NEBL: variants seen among roughly 807,000 people sequenced by gnomAD.
NEBL encodes the protein nebulette, also known as LIM and SH3 protein 2.
NEBL carries 122 observed loss-of-function variants against 140.2 expected under a neutral mutation model. That is an observed-to-expected ratio of 0.87 (90% confidence interval 0.75 to 1.01). The LOEUF is 1.01. Among genes scored for constraint, NEBL ranks in the 50% least tolerant of loss-of-function variants. The pLI, the probability that NEBL is intolerant of heterozygous loss-of-function variation, is 0.00. For synonymous variants in NEBL, 436 were observed against 398.9 expected, an observed-to-expected ratio of 1.09 and a Z score of -1.11; for missense variants, 1,365 against 1,231.3, an observed-to-expected ratio of 1.11 and a Z score of -1.62.
At chr10:21,262,046 A>G (rs1564551694) in intron 1 of NEBL, among the ~76,000 whole-genome samples, 1 of 152,096 alleles carries the variant, frequency 6.6e-6, no homozygotes, top group Non-Finnish European at 1.5e-5. Context: ...GCTGCCCCCA[A>G]CCGAAAGCCG....
intron 10 of NEBL, among the ~76,000 whole-genome samples, chr10:20,851,563 C>G (rs1283307179): frequency 1.3e-5 from 2 of 149,538 alleles, no homozygotes; most frequent in Admixed American, 1.3e-4. Flanking sequence ...ATCACAAGAT[C>G]AGGAGTTTGA....
chr10:21,178,266 T>C (rs929665811), upstream of NEBL, among the ~76,000 whole-genome samples: 1 of 152,226 alleles, frequency 6.6e-6, no homozygotes, highest in South Asian at 2.1e-4. Flanking sequence ...CCTTCATCCA[T>C]TCAACATATA....
At chr10:21,129,071 T>C (rs537896697) in intron 2 of NEBL, among the ~76,000 whole-genome samples, 1 of 152,180 alleles carries the variant, frequency 6.6e-6, no homozygotes, top group Admixed American at 6.5e-5. Context: ...CCTTCAGAAG[T>C]GAGGGAGAAA....
intron 3 of NEBL, among the ~76,000 whole-genome samples, chr10:20,968,557 A>T (rs906307014): frequency 3.3e-5 from 5 of 152,148 alleles, no homozygotes; most frequent in African/African-American, 4.8e-5. Context: ...GAGGAATCAT[A>T]GAAGTTCAAG....
chr10:21,192,981 C>T (rs1300564856), intron 3 of NEBL, among the ~76,000 whole-genome samples: 1 of 152,106 alleles, frequency 6.6e-6, no homozygotes, highest in East Asian at 1.9e-4. Context: ...CACTTTATTC[C>T]AGAGGTGGAA....
intron 11 of NEBL, among the ~76,000 whole-genome samples, chr10:20,847,580 C>T (rs1394217604): frequency 4.6e-5 from 7 of 151,922 alleles, no homozygotes; most frequent in African/African-American, 1.7e-4. Flanking sequence ...TAAAAGGTTG[C>T]TCAGCATGAA....
chr10:20,815,179 T>C (rs75631381), intron 22 of NEBL, among the ~76,000 whole-genome samples: 38 of 152,340 alleles, frequency 2.5e-4, no homozygotes, highest in Admixed American at 9.8e-4. Context: ...GAATTCTACG[T>C]TAACTGTATT....
intron 4 of NEBL, among the ~76,000 whole-genome samples, chr10:20,937,506 G>C (rs1334348481): frequency 1.3e-5 from 2 of 152,130 alleles, no homozygotes; most frequent in African/African-American, 4.8e-5. Flanking sequence ...ACAGCTCCCA[G>C]TGTGAGTGAC....
At chr10:21,016,660 T>C (rs1838568246) in intron 3 of NEBL, among the ~76,000 whole-genome samples, 1 of 152,202 alleles carries the variant, frequency 6.6e-6, no homozygotes, top group East Asian at 1.9e-4. Flanking sequence ...ATAGATGTGA[T>C]TCACTTAGCA....
chr10:20,829,691 A>G (rs921493006), intron 16 of NEBL, among the ~76,000 whole-genome samples: 16 of 152,120 alleles, frequency 1.1e-4, no homozygotes, highest in African/African-American at 3.9e-4. Context: ...AGTGATTAAA[A>G]TCCCTTAAAA....
In NEBL at chr10:20,831,594, T is replaced by G. The variant is rs749398135; in HGVS notation, c.1450-11A>C. 1 of 1,544,030 alleles carries G rather than the reference T, an allele frequency of 6.5e-7. No individual in the cohort carries two copies. Among genetic ancestry groups the G allele is most frequent in the South Asian group, 1.1e-5 (1 of 89,586 alleles). The stretch of plus-strand genomic sequence containing the variant: ...TCTTTTATAGTCTTTCTGCAGAAAA[T>G]GAAACATACAGTTAGTGCTCTCCAA... On this transcript the variant is annotated splice_polypyrimidine_tract_variant and intron_variant, in intron 14 of 27. Coordinates refer to ENST00000377122, the MANE Select transcript of NEBL (RefSeq NM_006393.3).
rs552525841 is a variant in NEBL at position 21,016,132 on chromosome 10, G to A, written c.249+3985C>T. On this transcript the variant is annotated intron_variant, in intron 3 of 6. Coordinates refer to the NEBL transcript ENST00000417816. ...TTTGAAGCAGTTCATGCTGGGATGT[G>A]TGATCAAAAGGGAACTAGTAACTAT... 1.8e-4 allele frequency among the ~76,000 whole-genome samples: 28 copies of A among 152,360 alleles called. No homozygotes were observed. The South Asian group carries it at 3.1e-3, about 17-fold the overall frequency.
chr10:21,094,699 AAGTCT>A (rs1185990277), intron 2 of NEBL, among the ~76,000 whole-genome samples: 1 of 152,086 alleles, frequency 6.6e-6, no homozygotes, highest in East Asian at 1.9e-4. Context: ...AGAAGACCAG[AAGTCT>A]GCTCCTTTGT....
chr10:21,085,100 A>G (rs1836563916), intron 2 of NEBL, among the ~76,000 whole-genome samples: 1 of 152,200 alleles, frequency 6.6e-6, no homozygotes, highest in African/African-American at 2.4e-5. Flanking sequence ...CACTTGGAAG[A>G]CAAACCTACC....
intron 3 of NEBL, among the ~76,000 whole-genome samples, chr10:20,980,924 C>A (rs1301250752): frequency 6.6e-6 from 1 of 152,174 alleles, no homozygotes; most frequent in African/African-American, 2.4e-5. Flanking sequence ...AGACATTCCA[C>A]CGAAGTCTCA....
At chr10:21,029,330 C>G in intron 2 of NEBL, 1 of 1,610,770 alleles carries the variant, frequency 6.2e-7, no homozygotes, top group South Asian at 1.1e-5. Context: ...ACAGAAGAGT[C>G]AATTAAGGAA....
At chr10:21,059,105 T>C (rs1195653218) in intron 2 of NEBL, among the ~76,000 whole-genome samples, 2 of 152,238 alleles carry the variant, frequency 1.3e-5, no homozygotes, top group African/African-American at 4.8e-5. Context: ...CTCACCCCCA[T>C]TTATCAAGCT....
intron 2 of NEBL, among the ~76,000 whole-genome samples, chr10:21,031,618 A>C (rs1430168102): frequency 6.6e-6 from 1 of 152,200 alleles, no homozygotes; most frequent in Non-Finnish European, 1.5e-5. Context: ...GAAAATCTGA[A>C]CTGAAGCCAG....
At chr10:20,968,792 C>G (rs1022537008) in intron 3 of NEBL, among the ~76,000 whole-genome samples, 1 of 152,154 alleles carries the variant, frequency 6.6e-6, no homozygotes. Flanking sequence ...TTACCTTTCA[C>G]GACATGATAG....
Sources: gnomAD v4.1 joint callset for allele counts (sites outside exome capture counted in the v4.1 genomes callset) on GRCh38, gnomAD v4.1.1 for gene constraint, MANE v1.5 for transcripts, NCBI Gene and HGNC (gene_info 2026-07-23, HGNC 2026-07-21) for gene names.